UBE2D2: variants seen among roughly 807,000 people sequenced by gnomAD.
The protein encoded by UBE2D2 is ubiquitin-conjugating enzyme E2 D2.
UBE2D2 carries 2 observed loss-of-function variants against 24.2 expected under a neutral mutation model. The observed-to-expected ratio is 0.08, with a 90% CI of 0.03 to 0.26. The LOEUF is 0.26. UBE2D2 is among the 10% of genes least tolerant of loss of function. The probability of loss-of-function intolerance (pLI) is 1.00; values close to 1 mark genes in which losing one functional copy is unlikely to be tolerated. For synonymous variants in UBE2D2, 58 were observed against 56.5 expected, an observed-to-expected ratio of 1.03 and a Z score of -0.12; for missense variants, 44 against 177.6, an observed-to-expected ratio of 0.25 and a Z score of 4.28.
intron 1 of UBE2D2, chr5:139,562,038 C>T: frequency 1.2e-6 from 1 of 819,388 alleles, no homozygotes; most frequent in South Asian, 2.1e-5. Context: ...CAGCGTTCCT[C>T]CCCGGCTGCC....
At chr5:139,548,528 G>A (rs1363363615) in intron 1 of UBE2D2, among the ~76,000 whole-genome samples, 1 of 152,074 alleles carries the variant, frequency 6.6e-6, no homozygotes, top group African/African-American at 2.4e-5. Flanking sequence ...GCTTCACAAG[G>A]ACTGAGCTTG....
At chr5:139,538,529 C>T (rs1193526590) in intron 1 of UBE2D2, among the ~76,000 whole-genome samples, 1 of 152,048 alleles carries the variant, frequency 6.6e-6, no homozygotes. Context: ...AAGACAAATA[C>T]TGAGGGATTC....
chr5:139,579,296 C>T (rs906687095), intron 1 of UBE2D2, among the ~76,000 whole-genome samples: 1 of 152,008 alleles, frequency 6.6e-6, no homozygotes, highest in Non-Finnish European at 1.5e-5. Context: ...TACAGGCATG[C>T]GCCACCACAC....
intron 1 of UBE2D2, among the ~76,000 whole-genome samples, chr5:139,536,738 C>G (rs979465156): frequency 6.6e-6 from 1 of 152,140 alleles, no homozygotes; most frequent in African/African-American, 2.4e-5. Context: ...GATCCACCCA[C>G]CTCAGCTTCC....
chr5:139,576,602 C>T (rs1676154354), intron 1 of UBE2D2, among the ~76,000 whole-genome samples: 1 of 151,882 alleles, frequency 6.6e-6, no homozygotes. Context: ...CTCCTGACCT[C>T]GTGATCTGCC....
At chr5:139,592,996 C>CT (rs138217969) in intron 1 of UBE2D2, among the ~76,000 whole-genome samples, 15,226 of 124,788 alleles carry the variant, frequency 0.12, 1,178 homozygotes, top group African/African-American at 0.21. Flanking sequence ...TTCTTTTTTC[C>CT]TTTTTTTTTT....
At position 139,615,464 on chromosome 5, in the gene UBE2D2, A is replaced by G. The variant is rs374703260; in HGVS notation, c.304+498A>G. On this transcript the variant is annotated intron_variant, in intron 5 of 6. Transcript: ENST00000398733. Reference sequence around the variant, plus strand: ...TGTGCCACTGCACTCCAGCCTGGGCAACAGAGCGAGACTCTGTCTCAAAAA... The same window carrying G: ...TGTGCCACTGCACTCCAGCCTGGGCGACAGAGCGAGACTCTGTCTCAAAAA... 2.6e-4 allele frequency among the ~76,000 whole-genome samples: 39 copies of G among 152,196 alleles called. No homozygotes were observed. In the Middle Eastern group the frequency reaches 0.01, roughly 40 times the overall value.
chr5:139,593,211 G>T (rs1201123114), intron 1 of UBE2D2, among the ~76,000 whole-genome samples: 1 of 151,460 alleles, frequency 6.6e-6, no homozygotes, highest in African/African-American at 2.4e-5. Context: ...GGGCAGGCTG[G>T]TCTCTATCTC....
intron 1 of UBE2D2, among the ~76,000 whole-genome samples, chr5:139,535,127 GTGAGACT>G (rs1023751634): frequency 1.3e-5 from 2 of 150,810 alleles, no homozygotes; most frequent in African/African-American, 4.9e-5. Context: ...GGGTGACAAA[GTGAGACT>G]TTATCTCAAA....
At chr5:139,606,810 A>AT (rs1437571329) in intron 2 of UBE2D2, among the ~76,000 whole-genome samples, 1 of 151,834 alleles carries the variant, frequency 6.6e-6, no homozygotes, top group African/African-American at 2.4e-5. Context: ...TTCTTGAGCT[A>AT]TTTCTCTTTT....
At chr5:139,561,204 CGGCGGTGCGTAGCTTACTCACAGG>C (rs1455603813), upstream of UBE2D2, 3 of 152,598 alleles carry the variant, frequency 2.0e-5, no homozygotes, top group Non-Finnish European at 4.4e-5. Flanking sequence ...GTGGCGGCGA[CGGCGGTGCGTAGCTTACTCACAGG>C]GGCGGCCCGT....
chr5:139,584,954 G>T (rs1420553737), intron 1 of UBE2D2, among the ~76,000 whole-genome samples: 1 of 149,878 alleles, frequency 6.7e-6, no homozygotes, highest in Non-Finnish European at 1.5e-5. Context: ...AGGCTGGAGT[G>T]CAGTGGCGCG....
At chr5:139,590,450 A>T (rs954933737) in intron 1 of UBE2D2, among the ~76,000 whole-genome samples, 4 of 151,852 alleles carry the variant, frequency 2.6e-5, no homozygotes, top group Admixed American at 1.3e-4. Flanking sequence ...AAATAAAAAA[A>T]AAAAAAAGAA....
intron 1 of UBE2D2, among the ~76,000 whole-genome samples, chr5:139,555,575 G>A (rs1752970879): frequency 6.6e-6 from 1 of 152,096 alleles, no homozygotes; most frequent in Non-Finnish European, 1.5e-5. Flanking sequence ...ACTGGAAAGT[G>A]CTTTTATCAG....
intron 1 of UBE2D2, among the ~76,000 whole-genome samples, chr5:139,545,015 G>A (rs1026508356): frequency 1.3e-5 from 2 of 151,800 alleles, no homozygotes; most frequent in South Asian, 2.1e-4. Context: ...TTTTGACCTC[G>A]TGATCCACCC....
chr5:139,553,729 C>A (rs556907000), intron 1 of UBE2D2, among the ~76,000 whole-genome samples: 42 of 152,160 alleles, frequency 2.8e-4, no homozygotes, highest in Admixed American at 1.9e-3. Context: ...ATACATATAT[C>A]CAATGTACAT....
chr5:139,527,752 T>A (rs1347446738), intron 1 of UBE2D2, among the ~76,000 whole-genome samples: 1 of 152,226 alleles, frequency 6.6e-6, no homozygotes, highest in Non-Finnish European at 1.5e-5. Flanking sequence ...AGAAAAAATT[T>A]TATTAAAAAA....
chr5:139,563,951 A>G (rs1753164070), intron 1 of UBE2D2, among the ~76,000 whole-genome samples: 1 of 152,096 alleles, frequency 6.6e-6, no homozygotes, highest in South Asian at 2.1e-4. Flanking sequence ...AAAGAAATGT[A>G]GACTTTAATC....
At chr5:139,599,684 C>G (rs1561516069) in intron 1 of UBE2D2, 2 of 151,916 alleles carry the variant, frequency 1.3e-5, no homozygotes, top group Non-Finnish European at 2.9e-5. Context: ...TTGCAGTCAG[C>G]TGAGATTGCG....
Sources: allele counts gnomAD v4.1 joint callset (sites outside exome capture counted in the v4.1 genomes callset), GRCh38; gene constraint gnomAD v4.1.1; transcripts MANE v1.5; gene names NCBI Gene and HGNC (gene_info 2026-07-23, HGNC 2026-07-21).